Variants in ZNF717 observed in about 807,000 individuals in gnomAD.
The protein encoded by ZNF717 is zinc finger protein 717.
Under a neutral mutation model 13.8 loss-of-function variants are expected in ZNF717, and 9 were observed. That is an observed-to-expected ratio of 0.65 (90% confidence interval 0.39 to 1.14). The LOEUF is 1.14. Ranked by LOEUF, ZNF717 falls within the 50% of genes most tolerant of loss-of-function variation. The pLI, the probability that ZNF717 is intolerant of heterozygous loss-of-function variation, is 0.01. For synonymous variants in ZNF717, 327 were observed against 364.1 expected (o/e 0.90, Z 1.16); for missense variants, 1,040 against 1,080.7 (o/e 0.96, Z 0.53).
intron 5 of ZNF717, among the ~76,000 whole-genome samples, chr3:75,713,818 T>A (rs1937993350): frequency 6.6e-6 from 1 of 151,760 alleles, no homozygotes; most frequent in African/African-American, 2.4e-5. Context: ...AGACAAGTAG[T>A]GGCCCCAAAG....
At chr3:75,714,627 C>A (rs77132470) in intron 5 of ZNF717, among the ~76,000 whole-genome samples, 4 of 151,928 alleles carry the variant, frequency 2.6e-5, no homozygotes, top group Non-Finnish European at 4.4e-5. Context: ...TGGCTTGCCG[C>A]CCACATAATA....
intron 6 of ZNF717, among the ~76,000 whole-genome samples, chr3:75,699,227 T>A (rs1313871900): frequency 2.6e-5 from 4 of 152,266 alleles, no homozygotes; most frequent in Admixed American, 1.3e-4. Context: ...TAGCTTTGTC[T>A]TAGATGAGAC....
intron 2 of ZNF717, among the ~76,000 whole-genome samples, chr3:75,759,381 T>C (rs185354267): frequency 2.6e-5 from 4 of 151,640 alleles, no homozygotes; most frequent in Non-Finnish European, 2.9e-5. Context: ...GTTCACACCA[T>C]TCTCCTGCCT....
intron 2 of ZNF717, among the ~76,000 whole-genome samples, chr3:75,747,080 A>T (rs1941251479): frequency 1.3e-5 from 2 of 152,128 alleles, no homozygotes. Flanking sequence ...CTTTCTACAT[A>T]TGGCTAGCCA....
rs140081330 is a variant in ZNF717, at chr3:75,782,058, T to C, written c.57+1248A>G. Among the ~76,000 whole-genome samples, 535 of 152,272 alleles carry C rather than the reference T, an allele frequency of 3.5e-3. 3 individuals are homozygous for C. The highest frequency in any genetic ancestry group is 0.012 in the African/African-American group (517 of 41,544). On this transcript the variant is annotated intron_variant, in intron 2 of 4. Transcript: ENST00000652011. Reference sequence around the variant, plus strand: ...TAGCCATCTCTCAGTCGCTGGCTAATAAAGGACTCCTGAACTCGTCTCAAA... The same window carrying C: ...TAGCCATCTCTCAGTCGCTGGCTAACAAAGGACTCCTGAACTCGTCTCAAA...
At chr3:75,768,839 GA>G (rs1452489644) in intron 2 of ZNF717, among the ~76,000 whole-genome samples, 1 of 151,178 alleles carries the variant, frequency 6.6e-6, no homozygotes. Context: ...TGTGTGGGGG[GA>G]CAGATGACAG....
intron 4 of ZNF717, among the ~76,000 whole-genome samples, chr3:75,721,909 A>T (rs1461109132): frequency 1.3e-5 from 2 of 152,114 alleles, no homozygotes; most frequent in Non-Finnish European, 2.9e-5. Context: ...ATTCATATGT[A>T]TTATTTCTAT....
At chr3:75,707,411 A>G (rs1237259213), downstream of ZNF717, among the ~76,000 whole-genome samples, 6 of 152,388 alleles carry the variant, frequency 3.9e-5, no homozygotes, top group African/African-American at 1.2e-4. Flanking sequence ...ATTGTCCCCA[A>G]TACTTACCGA....
At chr3:75,743,033 T>C (rs1344366891) in intron 2 of ZNF717, among the ~76,000 whole-genome samples, 34 of 152,200 alleles carry the variant, frequency 2.2e-4, no homozygotes, top group Non-Finnish European at 4.6e-4. Flanking sequence ...GAAAACGATA[T>C]TCAATAATGG....
intron 2 of ZNF717, among the ~76,000 whole-genome samples, chr3:75,764,998 T>TATATATATATATATAG (rs1169158707): frequency 8.8e-5 from 2 of 22,812 alleles, no homozygotes; most frequent in African/African-American, 3.3e-4. Context: ...AGGATATATA[T>TATATATATATATATAG]ATATATATAT....
chr3:75,753,188 C>G (rs144408970), intron 2 of ZNF717, among the ~76,000 whole-genome samples: 45 of 100,430 alleles, frequency 4.5e-4, no homozygotes, highest in African/African-American at 4.3e-4. Context: ...AATTCCAGAA[C>G]ACTGCTGCGA....
At chr3:75,699,767 A>G (rs1937648754) in intron 6 of ZNF717, among the ~76,000 whole-genome samples, 1 of 152,412 alleles carries the variant, frequency 6.6e-6, no homozygotes, top group African/African-American at 2.4e-5. Flanking sequence ...ACATCCACCA[A>G]AAAACTATTA....
chr3:75,741,706 G>A lies in ZNF717; in HGVS notation c.88C>T (p.His30Tyr). Residue 30 changes from histidine to tyrosine, a missense_variant, in exon 3 of 5, where the codon CAC becomes TAC. His to Tyr is a moderately conservative substitution (Grantham distance 83, BLOSUM62 2). Around this residue, in one of 3 missense-constraint regions of ZNF717, gnomAD observed 123 missense variants for 177.8 expected, o/e 0.69. Transcript: ENST00000652011. ...ELVSFEEVAV[H>Y]FTWEEWQDLD... ...TCCTGCCACTCCTCCCAGGTGAAGT[G>A]CACAGCTACCTCCTCAAAGGACACC... 5 of 1,588,794 alleles carry A rather than the reference G, an allele frequency of 3.1e-6. No individual in the cohort carries two copies. The highest frequency in any genetic ancestry group is 4.3e-6 in the Non-Finnish European group (5 of 1,166,278).
chr3:75,715,140 G>A (rs1938021768), intron 5 of ZNF717, among the ~76,000 whole-genome samples: 1 of 152,194 alleles, frequency 6.6e-6, no homozygotes, highest in Non-Finnish European at 1.5e-5. Flanking sequence ...GGGTAAAGCA[G>A]TTTCCATGGC....
In ZNF717 at chr3:75,738,731, G is replaced by C. The variant is rs895865416; in HGVS notation, c.892C>G (p.Leu298Val). The change falls in exon 5 of 5, where the codon CTT (leucine) becomes GTT (valine). Residue 298 changes from leucine to valine, a missense_variant. Physicochemically the swap from Leu to Val is conservative, Grantham distance 32. Around this residue, in one of 3 missense-constraint regions of ZNF717, gnomAD observed 873 missense variants for 832.8 expected, o/e 1.05. Coordinates refer to ENST00000652011, the MANE Select transcript of ZNF717 (RefSeq NM_001290208.3). ...GTAGGCATCTTGCACTGTAGCATAA[G>C]GTCTGATTTGCTAATGGAGGGTTTC... Reference protein sequence around the residue: ...CEKPSISKSDLMLQCKMPTEE... With the variant: ...CEKPSISKSDVMLQCKMPTEE... 1 of 1,551,902 alleles carries C rather than the reference G, an allele frequency of 6.4e-7. No individual in the cohort carries two copies. Among genetic ancestry groups the C allele is most frequent in the African/African-American group, 1.4e-5 (1 of 73,176 alleles).
At chr3:75,751,985 T>G (rs1357844862) in intron 2 of ZNF717, among the ~76,000 whole-genome samples, 2 of 151,102 alleles carry the variant, frequency 1.3e-5, no homozygotes, top group Non-Finnish European at 2.9e-5. Context: ...GTCTGAACGT[T>G]TGTCCTTCAC....
chr3:75,733,701 C>A (rs73117217), downstream of ZNF717, among the ~76,000 whole-genome samples: 6 of 136,526 alleles, frequency 4.4e-5, no homozygotes, highest in East Asian at 7.1e-4. Flanking sequence ...ATGGTATGAA[C>A]CCGGGAGGCA....
At chr3:75,745,370 T>C (rs79670647) in intron 2 of ZNF717, among the ~76,000 whole-genome samples, 3 of 152,094 alleles carry the variant, frequency 2.0e-5, no homozygotes, top group Admixed American at 1.3e-4. Context: ...CAGACCCCAG[T>C]AGCAGTGTTC....
intron 6 of ZNF717, among the ~76,000 whole-genome samples, chr3:75,697,225 A>T (rs1197925633): frequency 6.6e-6 from 1 of 151,846 alleles, no homozygotes. Flanking sequence ...CAATTGGAAA[A>T]GAAGTCAAAT....
Sources: gnomAD v4.1 joint callset for allele counts (sites outside exome capture counted in the v4.1 genomes callset) on GRCh38, gnomAD v4.1.1 for gene constraint, gnomAD v4.1.1 regional missense constraint, MANE v1.5 for transcripts, NCBI Gene and HGNC (gene_info 2026-07-23, HGNC 2026-07-21) for gene names.